The following EYS variants were observed in gnomAD, a reference collection of about 807,000 sequenced individuals.
The protein encoded by EYS is EGF-like photoreceptor maintenance factor.
Under a neutral mutation model 282.1 loss-of-function variants are expected in EYS, and 250 were observed. The ratio of observed to expected loss-of-function variants is 0.89; its 90% CI spans 0.80 to 0.98. The LOEUF (loss-of-function observed/expected upper bound fraction) is 0.98. Among genes scored for constraint, EYS ranks in the 50% least tolerant of loss-of-function variants. EYS has a pLI of 0.00. For missense variants in EYS, 4,016 were observed against 3,709.0 expected (o/e 1.08, Z -2.15); for synonymous variants, 1,355 against 1,282.9 (o/e 1.06, Z -1.20).
chr6:64,917,248 C>CAAAA (rs11435902), intron 15 of EYS, among the ~76,000 whole-genome samples: 1 of 136,762 alleles, frequency 7.3e-6, no homozygotes, highest in Admixed American at 7.3e-5. Context: ...GACTTAGTCT[C>CAAAA]AAAAAAAAAA....
chr6:64,491,715 A>G (rs373639290), intron 26 of EYS, among the ~76,000 whole-genome samples: 8 of 151,148 alleles, frequency 5.3e-5, no homozygotes, highest in African/African-American at 1.4e-4. Flanking sequence ...GATAACACAT[A>G]TAGTGTTTCA....
chr6:65,569,360 C>A (rs1483940893), intron 2 of EYS, among the ~76,000 whole-genome samples: 1 of 152,146 alleles, frequency 6.6e-6, no homozygotes, highest in Non-Finnish European at 1.5e-5. Flanking sequence ...AAATAAACTG[C>A]CCTGCTGCTC....
chr6:64,821,526 G>A, intron 21 of EYS, 119 bp downstream of exon 21: 6 of 531,486 alleles, frequency 1.1e-5, no homozygotes, highest in South Asian at 3.0e-5. Context: ...AAAGATGAGA[G>A]AACAGTTAAA....
At chr6:65,436,903 C>A (rs1230350535) in intron 5 of EYS, among the ~76,000 whole-genome samples, 1 of 151,946 alleles carries the variant, frequency 6.6e-6, no homozygotes, top group Non-Finnish European at 1.5e-5. Context: ...CTAATCAAAA[C>A]TTACAACTTA....
chr6:63,932,268 A>C (rs1294014751), intron 35 of EYS, among the ~76,000 whole-genome samples: 1 of 152,116 alleles, frequency 6.6e-6, no homozygotes, highest in African/African-American at 2.4e-5. Flanking sequence ...TATCTTTGCT[A>C]TTGTGAATAA....
chr6:65,397,784 T>C (rs72888667), intron 7 of EYS, among the ~76,000 whole-genome samples: 1 of 152,224 alleles, frequency 6.6e-6, no homozygotes, highest in Non-Finnish European at 1.5e-5. Flanking sequence ...GTAGTAGCAT[T>C]GCTGGATAAA....
At chr6:65,354,092 G>C (rs1361085999) in intron 8 of EYS, among the ~76,000 whole-genome samples, 1 of 152,074 alleles carries the variant, frequency 6.6e-6, no homozygotes, top group Non-Finnish European at 1.5e-5. Context: ...GTAATCTCCA[G>C]CATCTTCAAA....
intron 28 of EYS, among the ~76,000 whole-genome samples, chr6:64,389,111 T>C (rs1306582129): frequency 6.6e-6 from 1 of 152,072 alleles, no homozygotes; most frequent in Non-Finnish European, 1.5e-5. Flanking sequence ...CAATTGTAAC[T>C]GAAACAATGA....
chr6:65,683,640 T>C (rs1240566843), intron 1 of EYS, among the ~76,000 whole-genome samples: 2 of 152,048 alleles, frequency 1.3e-5, no homozygotes, highest in Non-Finnish European at 2.9e-5. Context: ...TTAGGGTCCA[T>C]GTTTTATTAA....
intron 12 of EYS, among the ~76,000 whole-genome samples, chr6:65,257,804 A>G (rs1318400852): frequency 2.0e-5 from 3 of 152,048 alleles, no homozygotes; most frequent in African/African-American, 7.2e-5. Flanking sequence ...AAACAATTGA[A>G]TTCATGGAGA....
chr6:64,473,422 A>G (rs1188047572), intron 26 of EYS, among the ~76,000 whole-genome samples: 1 of 152,208 alleles, frequency 6.6e-6, no homozygotes, highest in Non-Finnish European at 1.5e-5. Context: ...ATTGGTATTC[A>G]TAAGTCAGTC....
chr6:65,552,925 A>G (rs897030740), intron 2 of EYS, among the ~76,000 whole-genome samples: 6 of 152,050 alleles, frequency 3.9e-5, no homozygotes, highest in African/African-American at 1.2e-4. Flanking sequence ...AAAGCCAAAT[A>G]TCGAGGAAAT....
rs566998582 is a variant in EYS at position 64,346,176 on chromosome 6, A to G, written c.6079-39094T>C. ...TCAGGGATCTAGAACTAGAAACACC[A>G]TTTGACCCAGCCATCCCATTACTGG... On this transcript the variant is annotated intron_variant, in intron 29 of 42. Coordinates refer to ENST00000503581, the MANE Select transcript of EYS (RefSeq NM_001142800.2). Among the ~76,000 whole-genome samples the G allele has an allele frequency of 3.3e-5, 5 of 152,250 alleles. No individual in the cohort carries two copies. In the East Asian group the frequency reaches 5.8e-4, roughly 18 times the overall value.
chr6:65,613,894 T>C (rs1180806968), intron 2 of EYS, among the ~76,000 whole-genome samples: 1 of 151,916 alleles, frequency 6.6e-6, no homozygotes, highest in Non-Finnish European at 1.5e-5. Flanking sequence ...TTATGGTTAT[T>C]AGGTAAAAAT....
chr6:64,686,824 TATATATATATATAC>T (rs1334168689), intron 22 of EYS, among the ~76,000 whole-genome samples: 1,303 of 25,964 alleles, frequency 0.05, 248 homozygotes, highest in African/African-American at 0.11. Context: ...TATATATGTG[TATATATATATATAC>T]GTGTATATAT....
chr6:65,164,233 T>C (rs568013439), intron 12 of EYS, among the ~76,000 whole-genome samples: 2 of 151,430 alleles, frequency 1.3e-5, no homozygotes, highest in South Asian at 4.1e-4. Context: ...GAGTATGATA[T>C]ATTTCGGCAA....
chr6:65,686,238 C>T (rs558279341), intron 1 of EYS, among the ~76,000 whole-genome samples: 7 of 151,968 alleles, frequency 4.6e-5, no homozygotes, highest in African/African-American at 9.7e-5. Context: ...TTTTCTCTGG[C>T]GTTCTTCCCG....
chr6:63,968,610 G>T (rs1019445504), intron 35 of EYS, among the ~76,000 whole-genome samples: 7 of 152,156 alleles, frequency 4.6e-5, no homozygotes, highest in African/African-American at 1.7e-4. Context: ...TTAGCTATGC[G>T]ATCTGCAGTT....
At chr6:65,343,793 AC>A (rs1247360543) in intron 10 of EYS, among the ~76,000 whole-genome samples, 1 of 151,470 alleles carries the variant, frequency 6.6e-6, no homozygotes, top group Non-Finnish European at 1.5e-5. Context: ...TTAATAAAAA[AC>A]AAGAAGACTA....
Sources: allele counts gnomAD v4.1 joint callset (sites outside exome capture counted in the v4.1 genomes callset), GRCh38; gene constraint gnomAD v4.1.1; transcripts MANE v1.5; gene names NCBI Gene and HGNC (gene_info 2026-07-23, HGNC 2026-07-21).